CNTN4: variants seen among roughly 807,000 people sequenced by gnomAD.
The protein encoded by CNTN4 is contactin-4.
A neutral mutation model predicts 122.5 loss-of-function variants in CNTN4; 77 were observed. That is an observed-to-expected ratio of 0.63 (90% CI 0.52 to 0.76). The LOEUF (loss-of-function observed/expected upper bound fraction) is 0.76. Among genes scored for constraint, CNTN4 ranks in the 30% least tolerant of loss-of-function variants. The pLI, the probability that CNTN4 is intolerant of heterozygous loss-of-function variation, is 0.00. For missense variants in CNTN4, 1,256 were observed against 1,259.1 expected, an observed-to-expected ratio of 1.00 and a Z score of 0.04; for synonymous variants, 512 against 447.0, an observed-to-expected ratio of 1.15 and a Z score of -1.83.
chr3:2,357,903 A>G (rs1168346106), intron 3 of CNTN4, among the ~76,000 whole-genome samples: 1 of 152,130 alleles, frequency 6.6e-6, no homozygotes. Flanking sequence ...CCAAAATAAT[A>G]CTCTACAGAA....
Position 3,048,251 on chromosome 3 carries a change from A to AG in CNTN4, c.2811+4547_2811+4548insG, listed in dbSNP as rs373015955. 3.7e-4 allele frequency among the ~76,000 whole-genome samples: 57 copies of AG among 152,364 alleles called. 1 individual carries two copies. The East Asian group carries it at 0.01, about 27-fold the overall frequency. On this transcript the variant is annotated intron_variant, in intron 23 of 24. Coordinates refer to ENST00000418658, the MANE Select transcript of CNTN4 (RefSeq NM_175607.3). ...TTCAGGAAAAAAAACACACAAAAAA[A>AG]TACAATGAAAATGACACAGATTTTA...
intron 2 of CNTN4, among the ~76,000 whole-genome samples, chr3:2,260,526 GA>G (rs1471000499): frequency 6.6e-6 from 1 of 152,024 alleles, no homozygotes; most frequent in African/African-American, 2.4e-5. Flanking sequence ...CAGCAGAAGG[GA>G]AAACAGGGTA....
chr3:2,509,711 A>G (rs909430136), intron 3 of CNTN4, among the ~76,000 whole-genome samples: 26 of 152,166 alleles, frequency 1.7e-4, no homozygotes, highest in African/African-American at 6.0e-4. Context: ...CCCTAAGACA[A>G]TCAAAACGCT....
intron 3 of CNTN4, among the ~76,000 whole-genome samples, chr3:2,389,139 C>T (rs1426775738): frequency 2.6e-5 from 4 of 151,764 alleles, no homozygotes; most frequent in Non-Finnish European, 5.9e-5. Context: ...CCAGCCTGGG[C>T]GACAGAGTGA....
intron 2 of CNTN4, among the ~76,000 whole-genome samples, chr3:2,271,987 T>C (rs116556276): frequency 1.3e-5 from 2 of 152,162 alleles, no homozygotes; most frequent in South Asian, 2.1e-4. Context: ...GTTCACAAGA[T>C]GTTAAGTAAA....
chr3:2,284,315 A>G (rs1457429440), intron 2 of CNTN4, among the ~76,000 whole-genome samples: 2 of 152,116 alleles, frequency 1.3e-5, no homozygotes, highest in African/African-American at 4.8e-5. Context: ...AACCAATTAA[A>G]TTATTTGAAA....
chr3:2,601,583 G>C (rs983174479), intron 4 of CNTN4, among the ~76,000 whole-genome samples: 2 of 152,214 alleles, frequency 1.3e-5, no homozygotes, highest in Admixed American at 1.3e-4. Context: ...TTTGGTACCA[G>C]TACCATGCTG....
At chr3:2,770,090 C>T (rs113236803) in intron 6 of CNTN4, among the ~76,000 whole-genome samples, 3,820 of 151,040 alleles carry the variant, frequency 0.025, 66 homozygotes, top group Middle Eastern at 0.044. Flanking sequence ...AGTGCAATGG[C>T]GTGATCTCAG....
rs145545724 is a variant in CNTN4, at chr3:2,544,169, T to G, written c.-88-27247T>G. Among the ~76,000 whole-genome samples, 822 of 152,300 alleles carry G rather than the reference T, an allele frequency of 5.4e-3. 5 individuals are homozygous for G. Among genetic ancestry groups the G allele is most frequent in the African/African-American group, 0.018 (768 of 41,572 alleles). ...CTTTCTCAGACCCCACGTGCCAATATTCATGATTGTCCCATGACAGCGAGT... is the reference window on the plus strand; with the variant it reads ...CTTTCTCAGACCCCACGTGCCAATAGTCATGATTGTCCCATGACAGCGAGT... On this transcript the variant is annotated intron_variant, in intron 3 of 24. Transcript: ENST00000418658.
Position 2,621,140 on chromosome 3 carries a change from G to A in CNTN4, c.55+49582G>A, listed in dbSNP as rs1310655438. On this transcript the variant is annotated intron_variant, in intron 4 of 24. Coordinates refer to ENST00000418658, the MANE Select transcript of CNTN4 (RefSeq NM_175607.3). ...TGGCATGTTCGTGGACACATAGAAA[G>A]TTCTCAGTTAACGTTAAGCACCCCC... is the stretch of plus-strand genomic sequence containing the variant. Among the ~76,000 whole-genome samples, 3 of 131,362 alleles carry A rather than the reference G, an allele frequency of 2.3e-5. No homozygotes were observed. In the Admixed American group the frequency reaches 2.4e-4, roughly 11 times the overall value. 86.2% of individuals were successfully genotyped at this position (131,362 alleles called of 152,430 possible). A position where few individuals can be genotyped will look rare whatever the true frequency, so the allele number is the denominator to read the frequency against.
chr3:2,547,545 G>A (rs1404701048), intron 3 of CNTN4, among the ~76,000 whole-genome samples: 9 of 152,054 alleles, frequency 5.9e-5, no homozygotes, highest in Non-Finnish European at 1.2e-4. Context: ...AATTGCAGGC[G>A]TGAGCCATCA....
At chr3:2,409,109 A>T (rs1423501614) in intron 3 of CNTN4, among the ~76,000 whole-genome samples, 1 of 152,148 alleles carries the variant, frequency 6.6e-6, no homozygotes, top group Admixed American at 6.5e-5. Flanking sequence ...AAGAGGAACA[A>T]AATTATAGCT....
chr3:2,971,698 T>C (rs1009769110), intron 13 of CNTN4, among the ~76,000 whole-genome samples: 1 of 152,204 alleles, frequency 6.6e-6, no homozygotes, highest in Non-Finnish European at 1.5e-5. Context: ...AAAAGGAATA[T>C]GGTTCACAGC....
intron 3 of CNTN4, among the ~76,000 whole-genome samples, chr3:2,409,107 C>A (rs1416574162): frequency 6.6e-6 from 1 of 151,986 alleles, no homozygotes; most frequent in Non-Finnish European, 1.5e-5. Flanking sequence ...TAAAGAGGAA[C>A]AAAATTATAG....
intron 7 of CNTN4, among the ~76,000 whole-genome samples, chr3:2,826,434 T>A (rs1469891334): frequency 6.6e-6 from 1 of 152,174 alleles, no homozygotes; most frequent in Non-Finnish European, 1.5e-5. Context: ...ACCACAGCCC[T>A]TAAAAGAAGC....
intron 3 of CNTN4, among the ~76,000 whole-genome samples, chr3:2,540,028 G>A (rs1172087245): frequency 6.6e-6 from 1 of 151,688 alleles, no homozygotes; most frequent in Non-Finnish European, 1.5e-5. Context: ...AATGAAAATG[G>A]CAGAGGACAA....
At chr3:2,652,154 C>A (rs2083392586) in intron 4 of CNTN4, among the ~76,000 whole-genome samples, 1 of 151,868 alleles carries the variant, frequency 6.6e-6, no homozygotes, top group South Asian at 2.1e-4. Context: ...CTCACAAGGT[C>A]AAGGTTGTAG....
At chr3:2,494,612 A>C (rs2076405254) in intron 3 of CNTN4, among the ~76,000 whole-genome samples, 1 of 152,218 alleles carries the variant, frequency 6.6e-6, no homozygotes, top group African/African-American at 2.4e-5. Context: ...TGGATCAGGG[A>C]AAGTCCTGGC....
rs2093001719 is a variant in CNTN4 at position 2,827,005 on chromosome 3, C to G, written c.454+7424C>G. 2.6e-5 allele frequency among the ~76,000 whole-genome samples: 4 copies of G among 152,196 alleles called. No homozygotes were observed. In the South Asian group the frequency reaches 8.3e-4, roughly 32 times the overall value. ...CCCATTTTAACCCCACTCTAAACCT[C>G]CAACCATAACATGGTATTCTTTGCA... On this transcript the variant is annotated intron_variant, in intron 7 of 24. Transcript: ENST00000418658.
Sources: gnomAD v4.1 joint callset for allele counts (sites outside exome capture counted in the v4.1 genomes callset) on GRCh38, gnomAD v4.1.1 for gene constraint, MANE v1.5 for transcripts, NCBI Gene and HGNC (gene_info 2026-07-23, HGNC 2026-07-21) for gene names.